PPP5C: variants seen among roughly 807,000 people sequenced by gnomAD.
PPP5C encodes the protein protein phosphatase 5 catalytic subunit.
PPP5C carries 21 observed loss-of-function variants against 66.7 expected under a neutral mutation model. The ratio of observed to expected loss-of-function variants is 0.31; its 90% CI spans 0.22 to 0.45. The LOEUF is 0.45. Ranked by LOEUF, PPP5C falls within the 20% of genes least tolerant of loss-of-function variation. The pLI is 1.00. For missense variants in PPP5C, 464 were observed against 675.9 expected, an observed-to-expected ratio of 0.69 and a Z score of 3.48; for synonymous variants, 246 against 257.4, an observed-to-expected ratio of 0.96 and a Z score of 0.43.
At position 46,383,676 on chromosome 19, in the gene PPP5C, A is replaced by G. The variant is rs1972833767; in HGVS notation, c.700-104A>G. The G allele has an allele frequency of 9.2e-7, 1 of 1,082,056 alleles. No homozygotes were observed. Among genetic ancestry groups the G allele is most frequent in the South Asian group, 1.4e-5 (1 of 71,074 alleles). The allele number at this position is 1,082,056 out of a possible 1,614,324, so 67.0% of individuals were successfully genotyped here. A position where few individuals can be genotyped will look rare whatever the true frequency, so the allele number is the denominator to read the frequency against. On this transcript the variant is annotated intron_variant, in intron 5 of 12. Coordinates refer to ENST00000012443, the MANE Select transcript of PPP5C (RefSeq NM_006247.4). The surrounding 1 kb of genome is among the most constrained non-coding windows in gnomAD (Gnocchi z 5.0). The stretch of plus-strand genomic sequence containing the variant: ...GTTCCCTGCTTGTGTCTCTTGCATG[A>G]TTCTTCTTGGTCTACTGTGAACTCT...
chr19:46,348,669 T>C (rs10404903), intron 1 of PPP5C, among the ~76,000 whole-genome samples: 85,328 of 151,566 alleles, frequency 0.56, 24,291 homozygotes, highest in South Asian at 0.74. Flanking sequence ...AGAATTTGGG[T>C]GTGATCAAAC....
At position 46,390,358 on chromosome 19, in the gene PPP5C, G is replaced by A. The variant is rs1203849272; in HGVS notation, c.*12G>A. 3.2e-6 allele frequency: 5 copies of A among 1,565,138 alleles called. No homozygotes were observed. The highest frequency in any genetic ancestry group is 2.4e-5 in the East Asian group (1 of 42,046). On this transcript the variant is annotated 3_prime_UTR_variant, in exon 13 of 13. Coordinates refer to ENST00000012443, the MANE Select transcript of PPP5C (RefSeq NM_006247.4). The stretch of plus-strand genomic sequence containing the variant: ...TAGGAATGATGTGAGGTGACGGGCG[G>A]GGCGGCCTGCATCCCAGGGCCCCTC...
rs955849174 is a variant in PPP5C, at chr19:46,381,171, T to C, written c.634-2240T>C. Among the ~76,000 whole-genome samples, 3 of 151,958 alleles carry C rather than the reference T, an allele frequency of 2.0e-5. 1 individual carries two copies. Among genetic ancestry groups the C allele is most frequent in the African/African-American group, 7.2e-5 (3 of 41,412 alleles). The stretch of plus-strand genomic sequence containing the variant: ...AATGAATTATTTATTTCTTACATTG[T>C]ATTTTTTATTGGTAGCATTTTCATT... On this transcript the variant is annotated intron_variant, in intron 4 of 12. Transcript: ENST00000012443.
intron 2 of PPP5C, among the ~76,000 whole-genome samples, chr19:46,363,704 C>T (rs1305835124): frequency 1.3e-5 from 2 of 152,130 alleles, no homozygotes; most frequent in African/African-American, 4.8e-5. Context: ...GCTGGGATTA[C>T]AGGCATGAGC....
chr19:46,385,426 T>G (rs986033371), intron 7 of PPP5C, among the ~76,000 whole-genome samples: 1 of 152,154 alleles, frequency 6.6e-6, no homozygotes, highest in Non-Finnish European at 1.5e-5. Flanking sequence ...GGAGGATCAC[T>G]TCAGCCCAGG....
At chr19:46,389,460 C>CACACACACACACACACAG (rs1568580025) in intron 11 of PPP5C, among the ~76,000 whole-genome samples, 2 of 120,814 alleles carry the variant, frequency 1.7e-5, no homozygotes, top group East Asian at 2.6e-4. Flanking sequence ...CACACACACA[C>CACACACACACACACACAG]AGTGTTGATC....
At position 46,383,674 on chromosome 19, in the gene PPP5C, T is replaced by C. The variant is rs1972833715; in HGVS notation, c.700-106T>C. The stretch of plus-strand genomic sequence containing the variant: ...GTGTTCCCTGCTTGTGTCTCTTGCA[T>C]GATTCTTCTTGGTCTACTGTGAACT... On this transcript the variant is annotated intron_variant, in intron 5 of 12. Coordinates refer to ENST00000012443, the MANE Select transcript of PPP5C (RefSeq NM_006247.4). The surrounding 1 kb of genome is among the most constrained non-coding windows in gnomAD (Gnocchi z 5.0). 1.9e-6 allele frequency: 2 copies of C among 1,071,726 alleles called. No homozygotes were observed. The highest frequency in any genetic ancestry group is 2.8e-6 in the Non-Finnish European group (2 of 716,570). The allele number at this position is 1,071,726 out of a possible 1,614,324, so 66.4% of individuals were successfully genotyped here. A position where few individuals can be genotyped will look rare whatever the true frequency, so the allele number is the denominator to read the frequency against.
At chr19:46,367,246 T>C (rs1339406028) in intron 2 of PPP5C, among the ~76,000 whole-genome samples, 1 of 152,222 alleles carries the variant, frequency 6.6e-6, no homozygotes, top group Non-Finnish European at 1.5e-5. Flanking sequence ...CACTTGGTGC[T>C]GGTAGATAGA....
intron 2 of PPP5C, among the ~76,000 whole-genome samples, chr19:46,371,827 G>A (rs768281721): frequency 3.3e-5 from 5 of 152,146 alleles, no homozygotes; most frequent in Admixed American, 6.5e-5. Flanking sequence ...AGGCAGGCAC[G>A]GCTCCCTTCT....
chr19:46,347,333 G>C, intron 1 of PPP5C, 116 bp downstream of exon 1: 1 of 1,421,666 alleles, frequency 7.0e-7, no homozygotes, highest in Non-Finnish European at 9.3e-7. Context: ...ACTACCAAGT[G>C]ACCGGGCGTG....
At chr19:46,378,769 A>G (rs79596946) in intron 4 of PPP5C, among the ~76,000 whole-genome samples, 7,636 of 152,284 alleles carry the variant, frequency 0.05, 365 homozygotes, top group African/African-American at 0.13. Flanking sequence ...TAATATTTGC[A>G]TGCTATAACT....
intron 2 of PPP5C, among the ~76,000 whole-genome samples, chr19:46,360,684 G>A (rs1479706093): frequency 6.6e-6 from 1 of 151,910 alleles, no homozygotes; most frequent in Non-Finnish European, 1.5e-5. Flanking sequence ...TGTATTTTTT[G>A]TAGAGACAGG....
At chr19:46,361,852 C>G (rs756796650) in intron 2 of PPP5C, among the ~76,000 whole-genome samples, 3 of 151,896 alleles carry the variant, frequency 2.0e-5, no homozygotes, top group Non-Finnish European at 4.4e-5. Flanking sequence ...TATGGTAAAG[C>G]TAATTTTAAT....
chr19:46,377,536 A>G (rs1568573874), intron 4 of PPP5C, among the ~76,000 whole-genome samples: 1 of 152,206 alleles, frequency 6.6e-6, no homozygotes, highest in Non-Finnish European at 1.5e-5. Flanking sequence ...GCACAATAAA[A>G]TACACAAATC....
At chr19:46,359,328 CAAG>C (rs1385901893) in intron 2 of PPP5C, among the ~76,000 whole-genome samples, 3 of 151,838 alleles carry the variant, frequency 2.0e-5, no homozygotes, top group Non-Finnish European at 2.9e-5. Context: ...GGAAGTAAAA[CAAG>C]AAGATTAGTA....
chr19:46,356,049 C>T (rs1177726125), intron 2 of PPP5C, among the ~76,000 whole-genome samples: 2 of 152,096 alleles, frequency 1.3e-5, no homozygotes, highest in African/African-American at 2.4e-5. Flanking sequence ...ACCCCGCATA[C>T]TCCCAACCCC....
intron 4 of PPP5C, chr19:46,381,912 C>G (rs1350897125): frequency 7.3e-6 from 1 of 137,568 alleles, no homozygotes; most frequent in Non-Finnish European, 1.5e-5. Context: ...TTCCCTTCAG[C>G]AGAGCTTGGG....
At chr19:46,374,919 G>A (rs751132726) in intron 2 of PPP5C, among the ~76,000 whole-genome samples, 15 of 152,136 alleles carry the variant, frequency 9.9e-5, no homozygotes, top group East Asian at 1.9e-4. Flanking sequence ...ATTTGAACCC[G>A]GTCTCAGGGA....
chr19:46,355,873 G>A (rs1972276750), intron 2 of PPP5C, among the ~76,000 whole-genome samples: 1 of 152,084 alleles, frequency 6.6e-6, no homozygotes. Context: ...CCCAAGGACA[G>A]GTTTAGGGCA....
Sources: gnomAD v4.1 joint callset for allele counts (sites outside exome capture counted in the v4.1 genomes callset) on GRCh38, gnomAD v4.1.1 for gene constraint, Gnocchi (gnomAD v3.1) non-coding constraint, MANE v1.5 for transcripts, NCBI Gene and HGNC (gene_info 2026-07-23, HGNC 2026-07-21) for gene names.